Variants in ARPP21 observed in about 807,000 individuals in gnomAD.
ARPP21 encodes the protein cAMP-regulated phosphoprotein 21.
Under a neutral mutation model 113.2 loss-of-function variants are expected in ARPP21, and 69 were observed. The ratio of observed to expected loss-of-function variants is 0.61; its 90% CI spans 0.50 to 0.74. The LOEUF is 0.74. Among genes scored for constraint, ARPP21 ranks in the 30% least tolerant of loss-of-function variants. ARPP21 has a pLI of 0.00. For synonymous variants in ARPP21, 368 were observed against 375.5 expected, an observed-to-expected ratio of 0.98 and a Z score of 0.23; for missense variants, 1,070 against 1,037.4, an observed-to-expected ratio of 1.03 and a Z score of -0.43.
intron 1 of ARPP21, among the ~76,000 whole-genome samples, chr3:35,647,740 C>G (rs1326791748): frequency 6.6e-6 from 1 of 152,100 alleles, no homozygotes; most frequent in African/African-American, 2.4e-5. Context: ...AGCTCTAAAC[C>G]TCTCTGTGCT....
Position 35,687,892 on chromosome 3 carries a change from G to A in ARPP21, c.406+9G>A, listed in dbSNP as rs768485317. The A allele has an allele frequency of 1.3e-6, 2 of 1,575,416 alleles. No individual in the cohort carries two copies. The highest frequency in any genetic ancestry group is 1.7e-6 in the Non-Finnish European group (2 of 1,167,146). ...CAGAATGTTATCAAAAGGTGAATGT[G>A]AAAATATTTCCTTAACTTACTCAAT... On this transcript the variant is annotated intron_variant, in intron 6 of 20. Coordinates refer to ENST00000684406, the MANE Select transcript of ARPP21 (RefSeq NM_001385562.1).
At chr3:35,677,482 T>C (rs1218890230) in intron 1 of ARPP21, among the ~76,000 whole-genome samples, 2 of 151,974 alleles carry the variant, frequency 1.3e-5, no homozygotes, top group African/African-American at 4.8e-5. Flanking sequence ...GATATAGCAA[T>C]TATTTTACTT....
intron 19 of ARPP21, among the ~76,000 whole-genome samples, chr3:35,789,561 CT>C (rs550641876): frequency 1.0e-3 from 158 of 151,694 alleles, no homozygotes; most frequent in African/African-American, 3.7e-3. Context: ...CTGTATTTGC[CT>C]TAAGTGTGTT....
intron 1 of ARPP21, among the ~76,000 whole-genome samples, chr3:35,650,721 A>C (rs1203162979): frequency 6.6e-6 from 1 of 152,054 alleles, no homozygotes; most frequent in Non-Finnish European, 1.5e-5. Context: ...CAACAAGAAA[A>C]AACACCATCA....
rs771767602 is a variant in ARPP21, at chr3:35,743,891, A to C, written c.2063A>C (p.Gln688Pro). The C allele has an allele frequency of 1.9e-6, 3 of 1,613,896 alleles. No homozygotes were observed. Among genetic ancestry groups the C allele is most frequent in the African/African-American group, 2.7e-5 (2 of 75,052 alleles). The change falls in exon 19 of 21, where the codon CAG becomes CCG. Residue 688 changes from glutamine (Q) to proline (P), a missense_variant. By Grantham distance (76) the Gln-to-Pro change is moderately conservative (BLOSUM62 -1). Coordinates refer to ENST00000684406, the MANE Select transcript of ARPP21 (RefSeq NM_001385562.1). ...CAGTACCCTACCTCAACCACGCAAC[A>C]GTACCGGCCCATGGCCCCGGTTCAG... Reference protein sequence around the residue: ...SGQYPTSTTQQYRPMAPVQYN... With the variant: ...SGQYPTSTTQPYRPMAPVQYN...
intron 19 of ARPP21, among the ~76,000 whole-genome samples, chr3:35,747,354 C>T (rs2095126776): frequency 8.5e-6 from 1 of 117,008 alleles, no homozygotes; most frequent in South Asian, 2.7e-4. Flanking sequence ...GAGCAAGACT[C>T]CATCTAAAAA....
At chr3:35,700,364 G>C (rs2085886358) in intron 9 of ARPP21, among the ~76,000 whole-genome samples, 1 of 151,656 alleles carries the variant, frequency 6.6e-6, no homozygotes, top group African/African-American at 2.4e-5. Flanking sequence ...TAGTATGCTA[G>C]TTTATGCCCA....
intron 1 of ARPP21, among the ~76,000 whole-genome samples, chr3:35,649,284 T>C (rs556743492): frequency 6.6e-6 from 1 of 152,310 alleles, no homozygotes; most frequent in African/African-American, 2.4e-5. Context: ...ATATGTAGAA[T>C]TGTAACTGCA....
intron 10 of ARPP21, chr3:35,707,505 T>C (rs1304904075): frequency 3.0e-5 from 14 of 460,374 alleles, no homozygotes; most frequent in Non-Finnish European, 6.1e-5. Context: ...GGACCGATGA[T>C]CAACCGGTGT....
chr3:35,725,276 T>A (rs1313446991), intron 14 of ARPP21, among the ~76,000 whole-genome samples: 2 of 152,134 alleles, frequency 1.3e-5, no homozygotes, highest in Non-Finnish European at 2.9e-5. Flanking sequence ...CCCAGGTACC[T>A]AAGAAAGAGC....
chr3:35,694,541 C>A (rs2083232323), intron 9 of ARPP21, among the ~76,000 whole-genome samples: 1 of 151,360 alleles, frequency 6.6e-6, no homozygotes, highest in Admixed American at 6.6e-5. Flanking sequence ...TAGGCACAAA[C>A]TGAGTTTTAG....
chr3:35,689,237 T>C, intron 6 of ARPP21, 70 bp from the exon 7 acceptor site: 1 of 788,144 alleles, frequency 1.3e-6, no homozygotes, highest in South Asian at 1.4e-5. Flanking sequence ...ACAGGATAGG[T>C]TGGGGAAACC....
Position 35,717,374 on chromosome 3 carries a change from T to C in ARPP21, c.995+17T>C. ...GCTCTTTCGGTTGGTATGGTTTACTTTCTTAAACTGTGTTTTTTTCAAATT... is the reference window on the plus strand; with the variant it reads ...GCTCTTTCGGTTGGTATGGTTTACTCTCTTAAACTGTGTTTTTTTCAAATT... On this transcript the variant is annotated intron_variant, in intron 13 of 20. Transcript: ENST00000684406. 1 of 1,526,488 alleles carries C rather than the reference T, an allele frequency of 6.6e-7. No homozygotes were observed. Among genetic ancestry groups the C allele is most frequent in the Non-Finnish European group, 9.1e-7 (1 of 1,101,096 alleles). 94.6% of individuals were successfully genotyped at this position (1,526,488 alleles called of 1,614,324 possible). A position where few individuals can be genotyped will look rare whatever the true frequency, so the allele number is the denominator to read the frequency against.
At chr3:35,681,905 A>G in intron 3 of ARPP21, 25 bp downstream of exon 3, 2 of 1,609,760 alleles carry the variant, frequency 1.2e-6, no homozygotes, top group South Asian at 1.1e-5. Flanking sequence ...AGAGACCCTG[A>G]CTCTCATACA....
intron 19 of ARPP21, among the ~76,000 whole-genome samples, chr3:35,751,724 T>C (rs1345919557): frequency 6.6e-6 from 1 of 152,156 alleles, no homozygotes; most frequent in East Asian, 1.9e-4. Context: ...GGCCAGTCTC[T>C]GGTCCAATGC....
chr3:35,681,857 G>C lies in ARPP21; in HGVS notation c.106G>C (p.Glu36Gln). 1 of 1,612,026 alleles carries C rather than the reference G, an allele frequency of 6.2e-7. No homozygotes were observed. Reference sequence around the variant, plus strand: ...CATTGTTAAATCAGAAAGTCTGGATGAAGAGGAGAAACTGGAACTGCAGGT... The same window carrying C: ...CATTGTTAAATCAGAAAGTCTGGATCAAGAGGAGAAACTGGAACTGCAGGT... ...NGIVKSESLD[E>Q]EEKLELQRRL... The change falls in exon 3 of 21, where the codon GAA (glutamate) becomes CAA (glutamine). Residue 36 changes from glutamate to glutamine, a missense_variant. Glu to Gln is a conservative substitution (Grantham distance 29). Coordinates refer to ENST00000684406, the MANE Select transcript of ARPP21 (RefSeq NM_001385562.1).
intron 19 of ARPP21, among the ~76,000 whole-genome samples, chr3:35,748,261 GGA>G (rs759629652): frequency 1.6e-5 from 2 of 123,390 alleles, no homozygotes; most frequent in African/African-American, 6.3e-5. Context: ...GAAAGAGAAA[GGA>G]GAGAGAGAAA....
intron 16 of ARPP21, among the ~76,000 whole-genome samples, 181 bp from the exon 17 acceptor site, chr3:35,738,033 T>G (rs2094460586): frequency 6.6e-6 from 1 of 152,206 alleles, no homozygotes; most frequent in South Asian, 2.1e-4. Context: ...TAAGTGCAAA[T>G]GAGCCTCTCT....
At chr3:35,665,040 C>CT (rs2073987221) in intron 1 of ARPP21, among the ~76,000 whole-genome samples, 2 of 152,116 alleles carry the variant, frequency 1.3e-5, no homozygotes, top group South Asian at 2.1e-4. Flanking sequence ...CTTTTCGCTC[C>CT]TTTGGAGGCC....
Sources: allele counts gnomAD v4.1 joint callset (sites outside exome capture counted in the v4.1 genomes callset), GRCh38; gene constraint gnomAD v4.1.1; transcripts MANE v1.5; gene names NCBI Gene and HGNC (gene_info 2026-07-23, HGNC 2026-07-21).